Variants in RNF17 observed in about 807,000 individuals in gnomAD.
RNF17 encodes ring finger protein 17.
A neutral mutation model predicts 200.5 loss-of-function variants in RNF17; 31 were observed. The ratio of observed to expected loss-of-function variants is 0.15; its 90% CI spans 0.12 to 0.21. The LOEUF is 0.21. RNF17 is among the 10% of genes least tolerant of loss of function. The probability of loss-of-function intolerance (pLI) is 1.00; values close to 1 mark genes in which losing one functional copy is unlikely to be tolerated. For missense variants in RNF17, 1,628 were observed against 1,905.1 expected (o/e 0.85, Z 2.71); for synonymous variants, 606 against 637.8 (o/e 0.95, Z 0.75).
intron 15 of RNF17, among the ~76,000 whole-genome samples, chr13:24,824,980 T>G (rs954958331): frequency 1.3e-5 from 2 of 152,184 alleles, no homozygotes; most frequent in Non-Finnish European, 2.9e-5. Context: ...GGAGTAACTT[T>G]CAGCCTTTGG....
At chr13:24,823,790 G>A (rs968528790) in intron 15 of RNF17, among the ~76,000 whole-genome samples, 3 of 152,206 alleles carry the variant, frequency 2.0e-5, no homozygotes, top group East Asian at 1.9e-4. Context: ...TCTCCTCCTG[G>A]CCTTAGATGG....
At chr13:24,840,228 A>G (rs1202895290) in intron 18 of RNF17, among the ~76,000 whole-genome samples, 2 of 152,140 alleles carry the variant, frequency 1.3e-5, no homozygotes, top group African/African-American at 4.8e-5. Context: ...TCAAAAAACA[A>G]TAGATGCATG....
At chr13:24,833,582 A>G (rs1889658855) in intron 18 of RNF17, among the ~76,000 whole-genome samples, 1 of 151,264 alleles carries the variant, frequency 6.6e-6, no homozygotes, top group South Asian at 2.1e-4. Context: ...CAGTCAATCA[A>G]GATTTCTTGG....
At chr13:24,779,813 T>C (rs928383665) in intron 5 of RNF17, 66 bp downstream of exon 5, 1 of 1,214,930 alleles carries the variant, frequency 8.2e-7, no homozygotes, top group Non-Finnish European at 1.2e-6. Context: ...TGTGTACATT[T>C]GGAGATGTTA....
chr13:24,803,673 G>C (rs1257738901), intron 14 of RNF17: 1 of 152,282 alleles, frequency 6.6e-6, no homozygotes, highest in Non-Finnish European at 1.5e-5. Flanking sequence ...AACCCAAGCA[G>C]GTTCCATTCT....
intron 16 of RNF17, among the ~76,000 whole-genome samples, chr13:24,829,712 T>G (rs1192527975): frequency 2.0e-5 from 3 of 152,234 alleles, no homozygotes; most frequent in Admixed American, 2.0e-4. Flanking sequence ...GTTTGAAAAC[T>G]ATGTATTTTG....
At position 24,850,335 on chromosome 13, in the gene RNF17, T is replaced by TTGTAGA. The variant is rs1260202695; in HGVS notation, c.3102-5_3102dup. 1 of 1,603,352 alleles carries TTGTAGA rather than the reference T, an allele frequency of 6.2e-7. No homozygotes were observed. Among genetic ancestry groups the TTGTAGA allele is most frequent in the Admixed American group, 1.7e-5 (1 of 59,840 alleles). Reference sequence around the variant, plus strand: ...TAAAACAAGTTGCCACTGTTTTCTGTTGTAGACCAGCTGGTGGGAGTGACA... The same window carrying TTGTAGA: ...TAAAACAAGTTGCCACTGTTTTCTGTTGTAGATGTAGACCAGCTGGTGGGAGTGACA... On this transcript the variant is annotated splice_region_variant and splice_polypyrimidine_tract_variant and intron_variant, in intron 22 of 35. Coordinates refer to ENST00000255324, the MANE Select transcript of RNF17 (RefSeq NM_031277.3).
the RNF17 span, among the ~76,000 whole-genome samples, chr13:24,748,753 GT>G: frequency 2.0e-5 from 3 of 149,020 alleles, no homozygotes; most frequent in African/African-American, 7.4e-5. Flanking sequence ...TTTGTTTTTT[GT>G]TTTTTTTTTG....
At chr13:24,778,027 C>T (rs1238056903) in intron 3 of RNF17, among the ~76,000 whole-genome samples, 1 of 152,054 alleles carries the variant, frequency 6.6e-6, no homozygotes, top group East Asian at 1.9e-4. Context: ...TTTGGGGGGC[C>T]GAGGTGGGTA....
chr13:24,793,031 T>A lies in RNF17; in HGVS notation c.936-11T>A. On this transcript the variant is annotated splice_polypyrimidine_tract_variant and intron_variant, in intron 9 of 35. Transcript: ENST00000255324. ...TGTATTCATAGCTTATATCTCTGTA[T>A]TTTTAAACAGATGTTATCCCCAAGA... The A allele has an allele frequency of 6.6e-7, 1 of 1,524,722 alleles. No homozygotes were observed. Among genetic ancestry groups the A allele is most frequent in the Non-Finnish European group, 8.9e-7 (1 of 1,122,686 alleles). 94.4% of individuals were successfully genotyped at this position (1,524,722 alleles called of 1,614,324 possible).
the RNF17 span, among the ~76,000 whole-genome samples, chr13:24,748,623 T>C: frequency 3.6e-4 from 55 of 152,372 alleles, 2 homozygotes; most frequent in South Asian, 0.011. Context: ...GAAATGTCTA[T>C]GTGGAGATAC....
chr13:24,848,785 T>C (rs1171355995), intron 22 of RNF17, among the ~76,000 whole-genome samples: 1 of 152,232 alleles, frequency 6.6e-6, no homozygotes, highest in Non-Finnish European at 1.5e-5. Context: ...TAAATTAATA[T>C]TTATATCCAT....
rs1879193304 is a variant in RNF17, at chr13:24,764,198, A to C, written c.-6A>C. On this transcript the variant is annotated 5_prime_UTR_variant, in exon 1 of 36. Transcript: ENST00000255324. ...TCGGCGGTTGTTCCAGAAGAAAGAG[A>C]CAGCGATGGCGGCAGAGGCTTCGAA... 1 of 1,581,034 alleles carries C rather than the reference A, an allele frequency of 6.3e-7. No individual in the cohort carries two copies. The highest frequency in any genetic ancestry group is 8.7e-7 in the Non-Finnish European group (1 of 1,155,244).
At chr13:24,772,255 TATA>T (rs1276551675) in intron 2 of RNF17, among the ~76,000 whole-genome samples, 1 of 152,200 alleles carries the variant, frequency 6.6e-6, no homozygotes, top group Non-Finnish European at 1.5e-5. Context: ...ACAGTAGTGT[TATA>T]ATAGTCTTAT....
At chr13:24,796,363 A>T (rs1398426523) in intron 11 of RNF17, 68 bp downstream of exon 11, 4 of 1,028,278 alleles carry the variant, frequency 3.9e-6, no homozygotes, top group Non-Finnish European at 5.4e-6. Flanking sequence ...TGGCCAACCC[A>T]CATAAGACTT....
chr13:24,764,520 C>A, intron 1 of RNF17, 187 bp downstream of exon 1: 1 of 413,776 alleles, frequency 2.4e-6, no homozygotes, highest in Non-Finnish European at 3.3e-6. Flanking sequence ...TGGTTAAGGG[C>A]AGCACCTGCG....
chr13:24,845,725 G>A (rs1479709166), intron 22 of RNF17, among the ~76,000 whole-genome samples: 1 of 152,156 alleles, frequency 6.6e-6, no homozygotes, highest in Non-Finnish European at 1.5e-5. Flanking sequence ...TAAGGGATAA[G>A]GCAGGATGCA....
intron 15 of RNF17, among the ~76,000 whole-genome samples, chr13:24,807,562 T>A (rs1886045953): frequency 1.3e-5 from 2 of 152,166 alleles, no homozygotes; most frequent in African/African-American, 2.4e-5. Flanking sequence ...GTCAGATGAG[T>A]AGGTTGCGAA....
At chr13:24,811,196 T>A (rs1488872745) in intron 15 of RNF17, among the ~76,000 whole-genome samples, 1 of 151,074 alleles carries the variant, frequency 6.6e-6, no homozygotes, top group Non-Finnish European at 1.5e-5. Flanking sequence ...CCTGCCTTGC[T>A]AGATTGGGGA....
Sources: gnomAD v4.1 joint callset for allele counts (sites outside exome capture counted in the v4.1 genomes callset) on GRCh38, gnomAD v4.1.1 for gene constraint, MANE v1.5 for transcripts, NCBI Gene and HGNC (gene_info 2026-07-23, HGNC 2026-07-21) for gene names.